Variants in NUP205 observed in about 807,000 individuals in gnomAD.
NUP205 encodes nucleoporin 205.
Under a neutral mutation model 253.8 loss-of-function variants are expected in NUP205, and 76 were observed. That is an observed-to-expected ratio of 0.30 (90% CI 0.25 to 0.36). NUP205 has a LOEUF of 0.36. Among genes scored for constraint, NUP205 ranks in the 10% least tolerant of loss-of-function variants. NUP205 has a pLI of 1.00. For synonymous variants in NUP205, 832 were observed against 850.1 expected (o/e 0.98, Z 0.37); for missense variants, 2,162 against 2,425.5 (o/e 0.89, Z 2.28).
intron 35 of NUP205, among the ~76,000 whole-genome samples, chr7:135,631,789 G>A (rs1258943934): frequency 2.9e-5 from 4 of 139,028 alleles, no homozygotes; most frequent in South Asian, 2.2e-4. Flanking sequence ...TTGCTCTGTC[G>A]CCCAGGCTAG....
chr7:135,562,236 G>A lies in NUP205; in HGVS notation c.28+4264G>A, dbSNP rs911861801. On this transcript the variant is annotated intron_variant, in intron 1 of 42. Transcript: ENST00000285968. ...TTTTGAGACAGGGGCTCATTCTGTC[G>A]CCCAGACTGGAGTGCGGTGGTGTGA... 3.3e-5 allele frequency among the ~76,000 whole-genome samples: 5 copies of A among 152,010 alleles called. No individual in the cohort carries two copies. In the South Asian group the frequency reaches 6.2e-4, roughly 19 times the overall value.
At chr7:135,566,916 T>G (rs944806363) in intron 1 of NUP205, among the ~76,000 whole-genome samples, 19 of 151,408 alleles carry the variant, frequency 1.3e-4, no homozygotes, top group African/African-American at 4.4e-4. Flanking sequence ...TTTTGTATTT[T>G]TAGTAGAGAT....
chr7:135,594,839 C>G (rs533385156), intron 13 of NUP205, 110 bp downstream of exon 13: 1 of 747,878 alleles, frequency 1.3e-6, no homozygotes, highest in Admixed American at 2.9e-5. Flanking sequence ...TCATGAACAT[C>G]CCAACTAGAG....
At chr7:135,565,436 AT>A (rs199668430) in intron 1 of NUP205, among the ~76,000 whole-genome samples, 3,852 of 134,574 alleles carry the variant, frequency 0.029, 71 homozygotes, top group South Asian at 0.08. Flanking sequence ...CCATTTTCTT[AT>A]TTTTTTTTTT....
At chr7:135,626,736 T>C (rs1250327003) in intron 33 of NUP205, among the ~76,000 whole-genome samples, 1 of 152,274 alleles carries the variant, frequency 6.6e-6, no homozygotes, top group Non-Finnish European at 1.5e-5. Flanking sequence ...TTCAATATTT[T>C]GCTTACTGCT....
chr7:135,603,594 T>C (rs1794013410), intron 18 of NUP205, among the ~76,000 whole-genome samples: 1 of 151,404 alleles, frequency 6.6e-6, no homozygotes, highest in East Asian at 1.9e-4. Flanking sequence ...ACTGCAACCT[T>C]CGCCTCCCAG....
At chr7:135,563,897 G>A (rs2129489493) in intron 1 of NUP205, among the ~76,000 whole-genome samples, 1 of 152,048 alleles carries the variant, frequency 6.6e-6, no homozygotes, top group Non-Finnish European at 1.5e-5. Flanking sequence ...GCTGAGGCAG[G>A]AGGTTGCTTG....
In NUP205 at chr7:135,625,313, G is replaced by A. The variant is rs1312933481; in HGVS notation, c.4629G>A (p.Gln1543=). 8 of 1,611,870 alleles carry A rather than the reference G, an allele frequency of 5.0e-6. No individual in the cohort carries two copies. The East Asian group carries it at 1.6e-4, about 31-fold the overall frequency. ...CTTTGCAGAGCTTACTCACCCCACA[G>A]CCTCCCCTTTTAAAAGCACTTTATA... The part of the protein sequence containing the change: ...DRTLQSLLTP[Q]PPLLKALYTY... Residue 1543 remains glutamine, a synonymous_variant, in exon 32 of 43, where the codon CAG becomes CAA. Transcript: ENST00000285968.
intron 1 of NUP205, among the ~76,000 whole-genome samples, chr7:135,565,228 G>C (rs559369619): frequency 1.1e-4 from 17 of 152,232 alleles, no homozygotes; most frequent in Admixed American, 5.9e-4. Context: ...TTTAAAATGA[G>C]GGAGAGAAAA....
chr7:135,629,897 A>G (rs892716707), intron 34 of NUP205, among the ~76,000 whole-genome samples: 1 of 152,124 alleles, frequency 6.6e-6, no homozygotes, highest in African/African-American at 2.4e-5. Context: ...TGATTTCCCC[A>G]TGTCATGCTA....
At chr7:135,596,470 T>G (rs1024293583) in intron 13 of NUP205, among the ~76,000 whole-genome samples, 1 of 152,220 alleles carries the variant, frequency 6.6e-6, no homozygotes, top group Non-Finnish European at 1.5e-5. Flanking sequence ...GTTTAGCCAT[T>G]TGTATCCTTA....
chr7:135,572,497 A>G (rs961752422), intron 2 of NUP205, among the ~76,000 whole-genome samples: 1 of 152,208 alleles, frequency 6.6e-6, no homozygotes, highest in Non-Finnish European at 1.5e-5. Context: ...CAATAGCAAT[A>G]GGGTACTTTA....
intron 42 of NUP205, 119 bp downstream of exon 42, chr7:135,646,350 C>A: frequency 2.7e-6 from 2 of 743,344 alleles, no homozygotes; most frequent in Non-Finnish European, 4.5e-6. Context: ...ATTGCTTGAG[C>A]CCAGGAGTTT....
chr7:135,583,196 A>G (rs1236878021), intron 7 of NUP205, among the ~76,000 whole-genome samples: 2 of 152,216 alleles, frequency 1.3e-5, no homozygotes, highest in African/African-American at 2.4e-5. Context: ...TTTCAAGGCA[A>G]TGAAAATGTA....
At position 135,617,295 on chromosome 7, in the gene NUP205, C is replaced by T. The variant is rs374243180; in HGVS notation, c.3690+48C>T. Reference sequence around the variant, plus strand: ...TATCTGCAGTGTCAAGTGGCTCAGACTTTAAGTCATCAGAAACAAATAGAA... The same window carrying T: ...TATCTGCAGTGTCAAGTGGCTCAGATTTTAAGTCATCAGAAACAAATAGAA... On this transcript the variant is annotated intron_variant, in intron 26 of 42. Transcript: ENST00000285968. 9.3e-4 allele frequency: 1,430 copies of T among 1,531,072 alleles called. 1 individual carries two copies. The highest frequency in any genetic ancestry group is 1.2e-3 in the Non-Finnish European group (1,340 of 1,122,682). The allele number at this position is 1,531,072 out of a possible 1,614,324, so 94.8% of individuals were successfully genotyped here.
chr7:135,583,576 A>G (rs576491398), intron 7 of NUP205, among the ~76,000 whole-genome samples: 1 of 152,042 alleles, frequency 6.6e-6, no homozygotes, highest in Non-Finnish European at 1.5e-5. Context: ...CCTGGCCAAC[A>G]TGTTGAAACC....
rs1011637241 is a variant in NUP205 at position 135,646,165 on chromosome 7, C to T, written c.5820C>T (p.Phe1940=). The T allele has an allele frequency of 6.2e-6, 10 of 1,611,914 alleles. No homozygotes were observed. Among genetic ancestry groups the T allele is most frequent in the East Asian group, 2.2e-5 (1 of 44,870 alleles). Residue 1940 remains phenylalanine (F), a synonymous_variant, in exon 42 of 43, where the codon TTC becomes TTT. Transcript: ENST00000285968. Reference sequence around the variant, plus strand: ...CTGTTTTTTTATCTCTAGATTCCTTCGCCTCAGAAACCAATCTAGATTTTA... The same window carrying T: ...CTGTTTTTTTATCTCTAGATTCCTTTGCCTCAGAAACCAATCTAGATTTTA... ...LFKSRRLQDS[F]ASETNLDFRS... is the part of the protein sequence containing the mutation.
intron 5 of NUP205, 65 bp from the exon 6 acceptor site, chr7:135,577,731 A>G: frequency 8.2e-7 from 1 of 1,212,682 alleles, no homozygotes; most frequent in Non-Finnish European, 1.2e-6. Context: ...GGTAGTTTGT[A>G]CTTTGGAATA....
In NUP205 at chr7:135,585,113, A is replaced by G. The variant is rs149123063; in HGVS notation, c.1218+106A>G. The G allele has an allele frequency of 4.4e-4, 413 of 947,930 alleles. 2 individuals carry two copies. The African/African-American group carries it at 6.2e-3, about 14-fold the overall frequency. The allele number at this position is 947,930 out of a possible 1,614,324, so 58.7% of individuals were successfully genotyped here. ...TTGGAAACTAATAAAAATTTTTAAT[A>G]CAGACTAAAATTTGCCAGTAGCTGT... On this transcript the variant is annotated intron_variant, in intron 8 of 42. Transcript: ENST00000285968.
Sources: gnomAD v4.1 joint callset for allele counts (sites outside exome capture counted in the v4.1 genomes callset) on GRCh38, gnomAD v4.1.1 for gene constraint, MANE v1.5 for transcripts, NCBI Gene and HGNC (gene_info 2026-07-23, HGNC 2026-07-21) for gene names.